MAP2K3: variants seen among roughly 807,000 people sequenced by gnomAD.
MAP2K3 encodes dual specificity mitogen-activated protein kinase kinase 3.
MAP2K3 carries 30 observed loss-of-function variants against 46.4 expected under a neutral mutation model. That is an observed-to-expected ratio of 0.65 (90% confidence interval 0.48 to 0.88). The LOEUF (loss-of-function observed/expected upper bound fraction) is 0.88. MAP2K3 is among the 40% of genes least tolerant of loss of function. The pLI is 0.00. For missense variants in MAP2K3, 380 were observed against 464.5 expected (o/e 0.82, Z 1.67); for synonymous variants, 189 against 176.3 (o/e 1.07, Z -0.57).
At chr17:21,303,079 C>A in intron 6 of MAP2K3, 104 bp from the exon 7 acceptor site, 2 of 1,461,368 alleles carry the variant, frequency 1.4e-6, no homozygotes, top group Non-Finnish European at 1.9e-6. Context: ...GCAGCGGGAG[C>A]GGGAGACAGG....
chr17:21,303,207 C>CA lies in MAP2K3; in HGVS notation c.542dup (p.His181GlnfsTer28). 1 of 1,614,236 alleles carries CA rather than the reference C, an allele frequency of 6.2e-7. No homozygotes were observed. The highest frequency in any genetic ancestry group is 8.5e-7 in the Non-Finnish European group (1 of 1,180,056). ...GATCGTGCGGGCCCTGGAGCATCTGCACAGCAAGCTGTCGGTGATCCACAG... is the reference window on the plus strand; with the variant it reads ...GATCGTGCGGGCCCTGGAGCATCTGCAACAGCAAGCTGTCGGTGATCCACAG... On this transcript the variant is annotated frameshift_variant, in exon 7 of 12. Transcript: ENST00000342679. LOFTEE classifies it high-confidence loss of function.
intron 9 of MAP2K3, among the ~76,000 whole-genome samples, chr17:21,310,327 T>C (rs1863037707): frequency 6.6e-6 from 1 of 152,196 alleles, no homozygotes. Context: ...TAAATTATAA[T>C]AGACTCCTGT....
At chr17:21,301,298 C>CAGGGCGTGGGAATGGCATAT (rs1976586914) in intron 5 of MAP2K3, among the ~76,000 whole-genome samples, 1 of 152,310 alleles carries the variant, frequency 6.6e-6, no homozygotes, top group Admixed American at 6.5e-5. Context: ...CCATGGCATA[C>CAGGGCGTGGGAATGGCATAT]AGGGCGTGGG....
At chr17:21,293,175 G>T (rs1261633626) in intron 1 of MAP2K3, among the ~76,000 whole-genome samples, 1 of 152,308 alleles carries the variant, frequency 6.6e-6, no homozygotes, top group Non-Finnish European at 1.5e-5. Context: ...TGGCCATGGG[G>T]CATGGAGGAC....
chr17:21,287,324 G>A (rs1017626244), intron 1 of MAP2K3, among the ~76,000 whole-genome samples: 11 of 152,254 alleles, frequency 7.2e-5, no homozygotes, highest in African/African-American at 1.4e-4. Flanking sequence ...TTTGACAGAT[G>A]CAGAACTCAG....
chr17:21,302,272 G>T lies in MAP2K3; in HGVS notation c.516+13G>T. On this transcript the variant is annotated intron_variant, in intron 6 of 11. Transcript: ENST00000342679. Reference sequence around the variant, plus strand: ...GATTGCTGTGTCTGTGAGTGGCCTGGGTGGGCTGGCGGGGGGTCCTAGGTG... The same window carrying T: ...GATTGCTGTGTCTGTGAGTGGCCTGTGTGGGCTGGCGGGGGGTCCTAGGTG... 2 of 1,605,324 alleles carry T rather than the reference G, an allele frequency of 1.2e-6. No individual in the cohort carries two copies. Among genetic ancestry groups the T allele is most frequent in the South Asian group, 1.1e-5 (1 of 90,910 alleles).
At chr17:21,285,851 AT>A (rs1287069616) in intron 1 of MAP2K3, among the ~76,000 whole-genome samples, 1 of 151,424 alleles carries the variant, frequency 6.6e-6, no homozygotes, top group Non-Finnish European at 1.5e-5. Context: ...CAGCAGCAGG[AT>A]TTGTCATGCG....
At chr17:21,285,385 C>A in intron 1 of MAP2K3, 1 of 640,556 alleles carries the variant, frequency 1.6e-6, no homozygotes, top group Non-Finnish European at 1.9e-6. Context: ...CCATTTCTAG[C>A]TTCGGGTCCC....
intron 4 of MAP2K3, 56 bp downstream of exon 4, chr17:21,300,714 C>T: frequency 1.3e-6 from 2 of 1,595,268 alleles, no homozygotes; most frequent in Non-Finnish European, 1.7e-6. Flanking sequence ...GGGCTGAGCT[C>T]TGCCATGGGG....
chr17:21,301,184 G>A (rs980799911), intron 5 of MAP2K3, among the ~76,000 whole-genome samples, 191 bp downstream of exon 5: 7 of 152,418 alleles, frequency 4.6e-5, no homozygotes, highest in East Asian at 1.9e-4. Flanking sequence ...AAATGAGGCC[G>A]GTGGTTGTGG....
At chr17:21,303,056 G>C in intron 6 of MAP2K3, 127 bp from the exon 7 acceptor site, 1 of 1,236,762 alleles carries the variant, frequency 8.1e-7, no homozygotes, top group Non-Finnish European at 1.1e-6. Context: ...GGATGAGAGG[G>C]TGCGTAGCCT....
chr17:21,284,851 G>C lies in MAP2K3; in HGVS notation c.-70G>C. The stretch of plus-strand genomic sequence containing the variant: ...GGGCCGTCTGCCCGCAGCCATGAGC[G>C]TGCTCGGCCCCGGTGGAGCCCGCAG... On this transcript the variant is annotated 5_prime_UTR_variant, in exon 1 of 12. Coordinates refer to ENST00000342679, the MANE Select transcript of MAP2K3 (RefSeq NM_145109.3). 6.5e-7 allele frequency: 1 copy of C among 1,538,282 alleles called. No individual in the cohort carries two copies. The highest frequency in any genetic ancestry group is 1.4e-5 in the African/African-American group (1 of 71,822).
chr17:21,299,816 C>A (rs1190072093), intron 3 of MAP2K3, among the ~76,000 whole-genome samples: 1 of 152,296 alleles, frequency 6.6e-6, no homozygotes, highest in African/African-American at 2.4e-5. Flanking sequence ...AACCCTGTCT[C>A]TACTAAAATA....
At position 21,313,496 on chromosome 17, in the gene MAP2K3, A is replaced by C; in HGVS notation, c.919A>C (p.Arg307=). ...AGCTGCACTATTCTCTCCTAGCCTG[A>C]GGAAGAACCCCGCAGAGCGTATGAG... ...EFVDFTAQCL[R]KNPAERMSYL... is the part of the protein sequence containing the mutation. The change falls in exon 11 of 12, where the codon AGG becomes CGG. Residue 307 remains arginine (R), a synonymous_variant. Coordinates refer to ENST00000342679, the MANE Select transcript of MAP2K3 (RefSeq NM_145109.3). The C allele has an allele frequency of 1.9e-6, 3 of 1,594,890 alleles. No individual in the cohort carries two copies. Among genetic ancestry groups the C allele is most frequent in the Non-Finnish European group, 2.6e-6 (3 of 1,168,284 alleles).
intron 9 of MAP2K3, among the ~76,000 whole-genome samples, chr17:21,306,070 C>T (rs963906372): frequency 6.6e-5 from 10 of 152,342 alleles, no homozygotes; most frequent in Admixed American, 1.3e-4. Flanking sequence ...AACCCATTCT[C>T]GGATTCTCCA....
intron 6 of MAP2K3, among the ~76,000 whole-genome samples, chr17:21,302,643 A>G (rs757437891): frequency 6.6e-6 from 1 of 152,312 alleles, no homozygotes; most frequent in African/African-American, 2.4e-5. Context: ...GTTAGCATCC[A>G]AAATGTGTGC....
chr17:21,303,480 G>A (rs1460277068), intron 7 of MAP2K3, among the ~76,000 whole-genome samples: 1 of 152,310 alleles, frequency 6.6e-6, no homozygotes, highest in Admixed American at 6.5e-5. Context: ...CTGTTCTGAT[G>A]TATAGTTTAC....
intron 6 of MAP2K3, among the ~76,000 whole-genome samples, chr17:21,302,908 C>G (rs1976686066): frequency 1.3e-5 from 2 of 152,428 alleles, no homozygotes; most frequent in East Asian, 3.8e-4. Context: ...GGGTTTTACC[C>G]AAGAAGAGTG....
At chr17:21,289,704 A>G (rs913640930) in intron 1 of MAP2K3, among the ~76,000 whole-genome samples, 9 of 152,236 alleles carry the variant, frequency 5.9e-5, no homozygotes, top group South Asian at 2.1e-4. Context: ...TGCCAGGGGC[A>G]TGAAGGCCAT....
Sources: allele counts gnomAD v4.1 joint callset (sites outside exome capture counted in the v4.1 genomes callset), GRCh38; gene constraint gnomAD v4.1.1; transcripts MANE v1.5; gene names NCBI Gene and HGNC (gene_info 2026-07-23, HGNC 2026-07-21).